SNX29: variants seen among roughly 807,000 people sequenced by gnomAD.
SNX29 encodes the protein sorting nexin-29.
In SNX29, 78 loss-of-function variants were observed where a neutral mutation model predicts 102.1. The ratio of observed to expected loss-of-function variants is 0.76; its 90% CI spans 0.64 to 0.92. The LOEUF is 0.92. Ranked by LOEUF, SNX29 falls within the 40% of genes least tolerant of loss-of-function variation. The pLI, the probability that SNX29 is intolerant of heterozygous loss-of-function variation, is 0.00. For missense variants in SNX29, 1,280 were observed against 1,061.7 expected (o/e 1.21, Z -2.86); for synonymous variants, 580 against 414.5 (o/e 1.40, Z -4.85).
intron 13 of SNX29, among the ~76,000 whole-genome samples, chr16:12,184,062 T>G (rs1212834852): frequency 6.6e-6 from 1 of 152,214 alleles, no homozygotes; most frequent in African/African-American, 2.4e-5. Context: ...TTTTATTCCT[T>G]TACTTTCTTA....
intron 15 of SNX29, among the ~76,000 whole-genome samples, chr16:12,334,212 A>T (rs2081376874): frequency 1.3e-5 from 2 of 152,228 alleles, no homozygotes; most frequent in Non-Finnish European, 2.9e-5. Flanking sequence ...CAGTCTGGAG[A>T]TCTTTGGGAT....
chr16:12,005,403 G>A (rs2056420726), intron 3 of SNX29, among the ~76,000 whole-genome samples: 1 of 152,134 alleles, frequency 6.6e-6, no homozygotes, highest in African/African-American at 2.4e-5. Context: ...GCCTGAAGCC[G>A]AGGAGCTTGC....
chr16:12,543,373 C>A (rs767733666), intron 20 of SNX29, among the ~76,000 whole-genome samples: 1 of 152,150 alleles, frequency 6.6e-6, no homozygotes, highest in Admixed American at 6.5e-5. Context: ...AGCTCATGGA[C>A]TGAACATGAT....
chr16:12,477,872 G>T lies in SNX29; in HGVS notation c.2178+13G>T. 6.4e-7 allele frequency: 1 copy of T among 1,573,668 alleles called. No individual in the cohort carries two copies. The highest frequency in any genetic ancestry group is 8.6e-7 in the Non-Finnish European group (1 of 1,164,190). On this transcript the variant is annotated intron_variant, in intron 19 of 20. Coordinates refer to ENST00000566228, the MANE Select transcript of SNX29 (RefSeq NM_032167.5). ...CATTGGAAACAAGGTACCATCCCGTGCTGGGAAGCCCACTTGTCACTGCCT... is the reference window on the plus strand; with the variant it reads ...CATTGGAAACAAGGTACCATCCCGTTCTGGGAAGCCCACTTGTCACTGCCT...
intron 18 of SNX29, among the ~76,000 whole-genome samples, chr16:12,407,362 C>T (rs1039470780): frequency 6.6e-6 from 1 of 150,842 alleles, no homozygotes; most frequent in Non-Finnish European, 1.5e-5. Flanking sequence ...TTTACATTTG[C>T]CTCCTAGTTA....
intron 11 of SNX29, among the ~76,000 whole-genome samples, chr16:12,100,784 C>T (rs1374181450): frequency 2.0e-5 from 3 of 151,672 alleles, no homozygotes; most frequent in Non-Finnish European, 4.4e-5. Flanking sequence ...AGTAGGGGTG[C>T]TGCTGGGGGC....
At chr16:12,129,066 A>G (rs945033905) in intron 12 of SNX29, among the ~76,000 whole-genome samples, 15 of 152,256 alleles carry the variant, frequency 9.9e-5, no homozygotes, top group African/African-American at 3.1e-4. Flanking sequence ...CTTTAGTGAT[A>G]TAAGATATTT....
chr16:12,130,170 G>T (rs1189287412), intron 13 of SNX29, among the ~76,000 whole-genome samples: 1 of 148,052 alleles, frequency 6.8e-6, no homozygotes. Flanking sequence ...CGTTCACCTG[G>T]ACTTTTTAGT....
intron 2 of SNX29, among the ~76,000 whole-genome samples, chr16:11,999,625 G>A (rs749153329): frequency 6.6e-6 from 1 of 152,312 alleles, no homozygotes; most frequent in East Asian, 1.9e-4. Flanking sequence ...CACTGGGCCA[G>A]GTGCAGTGGC....
intron 13 of SNX29, among the ~76,000 whole-genome samples, chr16:12,162,559 C>G (rs1053454800): frequency 1.3e-5 from 2 of 152,208 alleles, no homozygotes; most frequent in Non-Finnish European, 2.9e-5. Flanking sequence ...ACTTCATTCA[C>G]AGAAACAGAG....
intron 1 of SNX29, among the ~76,000 whole-genome samples, chr16:11,991,602 G>C (rs143769304): frequency 0.031 from 4,728 of 151,962 alleles, 229 homozygotes; most frequent in African/African-American, 0.11. Context: ...GAGTGCAGCG[G>C]TGTGATCTCG....
intron 14 of SNX29, among the ~76,000 whole-genome samples, chr16:12,214,572 A>AT (rs796995322): frequency 0.015 from 2,269 of 148,188 alleles, 64 homozygotes; most frequent in African/African-American, 0.052. Context: ...TTGCCTGAAT[A>AT]TTTTTTTTTT....
intron 19 of SNX29, among the ~76,000 whole-genome samples, chr16:12,519,782 A>T (rs1760915210): frequency 6.6e-6 from 1 of 152,020 alleles, no homozygotes; most frequent in South Asian, 2.1e-4. Context: ...TGAGGGCAGG[A>T]GTATCACCTG....
intron 15 of SNX29, among the ~76,000 whole-genome samples, chr16:12,326,544 A>G (rs1257621958): frequency 6.6e-6 from 1 of 152,084 alleles, no homozygotes; most frequent in Non-Finnish European, 1.5e-5. Flanking sequence ...AGGCAGTCAT[A>G]GGTGATACAT....
At chr16:12,253,493 GGAGATCAT>G (rs1023473344) in intron 14 of SNX29, among the ~76,000 whole-genome samples, 25 of 152,218 alleles carry the variant, frequency 1.6e-4, no homozygotes, top group Non-Finnish European at 1.3e-4. Context: ...AGGAGTGTGG[GGAGATCAT>G]GACTTTAAGT....
chr16:12,547,604 C>T (rs2077690271), intron 20 of SNX29, among the ~76,000 whole-genome samples: 2 of 152,082 alleles, frequency 1.3e-5, no homozygotes, highest in African/African-American at 4.8e-5. Context: ...CCCACGAAGT[C>T]AGCCTCAGCA....
At chr16:12,327,598 T>G (rs1218331747) in intron 15 of SNX29, among the ~76,000 whole-genome samples, 1 of 152,156 alleles carries the variant, frequency 6.6e-6, no homozygotes, top group Admixed American at 6.5e-5. Context: ...GTTACCTCCT[T>G]AAAGCCTCTG....
At chr16:12,218,537 A>C (rs2077386240) in intron 14 of SNX29, among the ~76,000 whole-genome samples, 1 of 152,182 alleles carries the variant, frequency 6.6e-6, no homozygotes, top group South Asian at 2.1e-4. Flanking sequence ...TGGCCTGCAA[A>C]CCCCAAAATA....
At chr16:12,536,515 C>G (rs1275219316) in intron 20 of SNX29, among the ~76,000 whole-genome samples, 2 of 152,144 alleles carry the variant, frequency 1.3e-5, no homozygotes, top group Non-Finnish European at 2.9e-5. Flanking sequence ...GACTTCATGC[C>G]TCTATTTTCC....
Sources: gnomAD v4.1 joint callset for allele counts (sites outside exome capture counted in the v4.1 genomes callset) on GRCh38, gnomAD v4.1.1 for gene constraint, MANE v1.5 for transcripts, NCBI Gene and HGNC (gene_info 2026-07-23, HGNC 2026-07-21) for gene names.